Variants in SSR1 observed in about 807,000 individuals in gnomAD.
SSR1 encodes signal sequence receptor subunit 1.
A neutral mutation model predicts 36.1 loss-of-function variants in SSR1; 13 were observed. The observed-to-expected ratio is 0.36, with a 90% CI of 0.23 to 0.57. The LOEUF (loss-of-function observed/expected upper bound fraction) is 0.57, where lower values mean the gene tolerates loss of function less well. Ranked by LOEUF, SSR1 falls within the 20% of genes least tolerant of loss-of-function variation. The pLI is 0.81. For missense variants in SSR1, 291 were observed against 338.5 expected (o/e 0.86, Z 1.10); for synonymous variants, 113 against 118.9 (o/e 0.95, Z 0.32).
intron 2 of SSR1, among the ~76,000 whole-genome samples, chr6:7,306,589 T>C (rs1182216372): frequency 2.0e-5 from 3 of 151,966 alleles, no homozygotes; most frequent in African/African-American, 4.8e-5. Context: ...CCCAGTTTTA[T>C]AGAGTAAAAG....
chr6:7,306,243 C>T (rs557880347), intron 2 of SSR1, among the ~76,000 whole-genome samples: 16 of 152,236 alleles, frequency 1.1e-4, no homozygotes, highest in South Asian at 2.1e-4. Flanking sequence ...CCCAGGTTCA[C>T]GCCATTCTCC....
chr6:7,313,133 CCA>C lies in SSR1; in HGVS notation c.-15_-14del. On this transcript the variant is annotated 5_prime_UTR_variant, in exon 1 of 8. Coordinates refer to ENST00000244763, the MANE Select transcript of SSR1 (RefSeq NM_003144.5). Reference sequence around the variant, plus strand: ...GGAGGAGTCTCATGGCGCTGCCGGTCCAGTGTCCAGTTTCCGTCGGCTAAGGC... The same window carrying C: ...GGAGGAGTCTCATGGCGCTGCCGGTCGTGTCCAGTTTCCGTCGGCTAAGGC... The C allele has an allele frequency of 6.3e-7, 1 of 1,598,444 alleles. No individual in the cohort carries two copies. Among genetic ancestry groups the C allele is most frequent in the East Asian group, 2.3e-5 (1 of 43,450 alleles).
intron 3 of SSR1, among the ~76,000 whole-genome samples, chr6:7,303,137 T>C (rs1242363293): frequency 2.9e-5 from 1 of 34,756 alleles, no homozygotes; most frequent in African/African-American, 1.4e-4. Context: ...AGACTACATC[T>C]TAAAAAAAAA....
At position 7,281,617 on chromosome 6, in the gene SSR1, G is replaced by A. The variant is rs982298559; in HGVS notation, c.*8247C>T. 1 of 152,230 alleles carries A rather than the reference G, an allele frequency of 6.6e-6. No homozygotes were observed. Among genetic ancestry groups the A allele is most frequent in the African/African-American group, 2.4e-5 (1 of 41,456 alleles). 9.4% of individuals were successfully genotyped at this position (152,230 alleles called of 1,614,324 possible). On this transcript the variant is annotated 3_prime_UTR_variant, in exon 8 of 8. Coordinates refer to ENST00000244763, the MANE Select transcript of SSR1 (RefSeq NM_003144.5). ...CTGAGTTGTTAGATTTCAAAGTGAAGAGAACTGAAATCTCTTTTTATTCAT... is the reference window on the plus strand; with the variant it reads ...CTGAGTTGTTAGATTTCAAAGTGAAAAGAACTGAAATCTCTTTTTATTCAT...
intron 1 of SSR1, 140 bp downstream of exon 1, chr6:7,312,902 G>A: frequency 2.4e-6 from 2 of 833,438 alleles, no homozygotes; most frequent in South Asian, 1.6e-5. Context: ...ACGAGCCTAG[G>A]CTTGGGGAGA....
intron 3 of SSR1, among the ~76,000 whole-genome samples, chr6:7,302,262 A>G (rs1757952788): frequency 6.6e-6 from 1 of 152,248 alleles, no homozygotes; most frequent in African/African-American, 2.4e-5. Flanking sequence ...TTCACTGAGT[A>G]CAGCACAGGC....
intron 2 of SSR1, among the ~76,000 whole-genome samples, chr6:7,306,893 G>A (rs1758076338): frequency 6.6e-6 from 1 of 150,538 alleles, no homozygotes; most frequent in East Asian, 1.9e-4. Flanking sequence ...CTCCAGCCTG[G>A]GCGACAGAGC....
At chr6:7,309,778 G>A in intron 2 of SSR1, 139 bp downstream of exon 2, 1 of 718,474 alleles carries the variant, frequency 1.4e-6, no homozygotes, top group African/African-American at 1.8e-5. Context: ...GGCCTCCCCA[G>A]TCATGCTGAA....
Position 7,289,943 on chromosome 6 carries a change from G to C in SSR1, c.794-12C>G, listed in dbSNP as rs115693858. 7.6e-4 allele frequency: 1,157 copies of C among 1,532,440 alleles called. 6 individuals are homozygous for C. The African/African-American group carries it at 0.015, about 20-fold the overall frequency. 94.9% of individuals were successfully genotyped at this position (1,532,440 alleles called of 1,614,324 possible). On this transcript the variant is annotated splice_polypyrimidine_tract_variant and intron_variant, in intron 7 of 7. Coordinates refer to ENST00000244763, the MANE Select transcript of SSR1 (RefSeq NM_003144.5). The stretch of plus-strand genomic sequence containing the variant: ...TGGTGAAGCTTTATCTGGAAGAAAA[G>C]AGAAAGTTTTAAGCTTGCCTATTAT...
intron 4 of SSR1, 71 bp downstream of exon 4, chr6:7,301,238 TA>T (rs1757925938): frequency 3.9e-6 from 6 of 1,532,180 alleles, no homozygotes; most frequent in South Asian, 3.8e-5. Flanking sequence ...TGAACAGATA[TA>T]TTCTATTAAA....
At chr6:7,312,829 C>A (rs566060449) in intron 1 of SSR1, among the ~76,000 whole-genome samples, 2 of 152,338 alleles carry the variant, frequency 1.3e-5, no homozygotes, top group South Asian at 4.1e-4. Context: ...CACGGCCCCG[C>A]GCTCCGCGTG....
chr6:7,290,009 C>G, intron 7 of SSR1, 78 bp from the exon 8 acceptor site: 1 of 1,257,384 alleles, frequency 8.0e-7, no homozygotes, highest in Non-Finnish European at 1.1e-6. Flanking sequence ...AAGTATTTAC[C>G]TTCAACTTTA....
chr6:7,298,847 A>C (rs373680391), intron 4 of SSR1, 24 bp from the exon 5 acceptor site: 4 of 1,581,406 alleles, frequency 2.5e-6, no homozygotes, highest in Non-Finnish European at 2.6e-6. Flanking sequence ...TAAAATAATC[A>C]GAAAAATCTA....
chr6:7,306,691 C>T lies in SSR1; in HGVS notation c.193-3054G>A, dbSNP rs374286709. 4.1e-3 allele frequency among the ~76,000 whole-genome samples: 612 copies of T among 150,780 alleles called. 1 individual carries two copies. The highest frequency in any genetic ancestry group is 0.018 in the Middle Eastern group (5 of 284). On this transcript the variant is annotated intron_variant, in intron 2 of 7. Coordinates refer to ENST00000244763, the MANE Select transcript of SSR1 (RefSeq NM_003144.5). Reference sequence around the variant, plus strand: ...CAGCACTTCGGGAGGCCGAGGCGGGCGGATCACGAGGTCAGGAGATCGAGA... The same window carrying T: ...CAGCACTTCGGGAGGCCGAGGCGGGTGGATCACGAGGTCAGGAGATCGAGA...
intron 3 of SSR1, among the ~76,000 whole-genome samples, chr6:7,303,230 G>A (rs1757979348): frequency 6.6e-6 from 1 of 150,832 alleles, no homozygotes; most frequent in Non-Finnish European, 1.5e-5. Context: ...AGGAGGCTGA[G>A]GCAGGAAAAT....
chr6:7,307,519 C>T (rs1422299150), intron 2 of SSR1, among the ~76,000 whole-genome samples: 1 of 152,150 alleles, frequency 6.6e-6, no homozygotes, highest in Admixed American at 6.5e-5. Context: ...CAGTTCCCTT[C>T]TCTACTCCCT....
In SSR1 at chr6:7,286,302, T is replaced by G. The variant is rs1757551716; in HGVS notation, c.*3562A>C. On this transcript the variant is annotated 3_prime_UTR_variant, in exon 8 of 8. Transcript: ENST00000244763. ...GATATAATTAACATAAAAGCCCAGG[T>G]TTTTGTATAAATGAAAAGGGATAAA... 1 of 151,942 alleles carries G rather than the reference T, an allele frequency of 6.6e-6. No homozygotes were observed. Among genetic ancestry groups the G allele is most frequent in the Non-Finnish European group, 1.5e-5 (1 of 67,974 alleles). The allele number at this position is 151,942 out of a possible 1,614,324, so 9.4% of individuals were successfully genotyped here.
chr6:7,297,647 C>T (rs757913501), intron 6 of SSR1, among the ~76,000 whole-genome samples: 11 of 151,996 alleles, frequency 7.2e-5, no homozygotes, highest in African/African-American at 2.7e-4. Flanking sequence ...ATCACTTGAG[C>T]CCAGGAGGTT....
chr6:7,288,106 G>C lies in SSR1; in HGVS notation c.*1758C>G, dbSNP rs994509933. The C allele has an allele frequency of 2.0e-5, 3 of 152,136 alleles. No individual in the cohort carries two copies. Among genetic ancestry groups the C allele is most frequent in the African/African-American group, 4.8e-5 (2 of 41,404 alleles). 9.4% of individuals were successfully genotyped at this position (152,136 alleles called of 1,614,324 possible). On this transcript the variant is annotated 3_prime_UTR_variant, in exon 8 of 8. Coordinates refer to ENST00000244763, the MANE Select transcript of SSR1 (RefSeq NM_003144.5). ...CAGGTATTCCATAAAACTCTGTAGAGGCCATTTACATTTCGTAAATTCTGT... is the reference window on the plus strand; with the variant it reads ...CAGGTATTCCATAAAACTCTGTAGACGCCATTTACATTTCGTAAATTCTGT...
Sources: gnomAD v4.1 joint callset for allele counts (sites outside exome capture counted in the v4.1 genomes callset) on GRCh38, gnomAD v4.1.1 for gene constraint, MANE v1.5 for transcripts, NCBI Gene and HGNC (gene_info 2026-07-23, HGNC 2026-07-21) for gene names.